Variants in ME1 observed in about 807,000 individuals in gnomAD.
ME1 encodes the protein malic enzyme 1, also known as NADP-dependent malic enzyme.
A neutral mutation model predicts 66.4 loss-of-function variants in ME1; 74 were observed. That is an observed-to-expected ratio of 1.11 (90% confidence interval 0.92 to 1.35). ME1 has a LOEUF of 1.35. ME1 is among the 40% of genes most tolerant of loss of function. ME1 has a pLI of 0.00. For synonymous variants in ME1, 251 were observed against 235.6 expected, an observed-to-expected ratio of 1.07 and a Z score of -0.60; for missense variants, 750 against 694.1, an observed-to-expected ratio of 1.08 and a Z score of -0.90.
At chr6:83,411,806 C>T (rs1178904074) in intron 1 of ME1, among the ~76,000 whole-genome samples, 1 of 152,132 alleles carries the variant, frequency 6.6e-6, no homozygotes, top group African/African-American at 2.4e-5. Flanking sequence ...TAAAGACATC[C>T]TCATATATGC....
chr6:83,409,752 A>G (rs1256448506), intron 1 of ME1, among the ~76,000 whole-genome samples: 3 of 152,164 alleles, frequency 2.0e-5, no homozygotes, highest in Admixed American at 2.0e-4. Flanking sequence ...AGCAGTGCAC[A>G]ACCTTCAATT....
chr6:83,367,294 A>C (rs1769116600), intron 3 of ME1, among the ~76,000 whole-genome samples: 1 of 152,170 alleles, frequency 6.6e-6, no homozygotes, highest in South Asian at 2.1e-4. Flanking sequence ...ATAATTTTTA[A>C]GGGCTCTAGG....
chr6:83,340,418 T>C (rs1456974895), intron 5 of ME1, among the ~76,000 whole-genome samples: 1 of 152,196 alleles, frequency 6.6e-6, no homozygotes, highest in African/African-American at 2.4e-5. Flanking sequence ...TATTTCAACA[T>C]TAAAATATTC....
chr6:83,315,527 C>G, intron 5 of ME1, 114 bp from the exon 6 acceptor site: 1 of 644,470 alleles, frequency 1.6e-6, no homozygotes, highest in South Asian at 2.1e-5. Context: ...TCTTACCATA[C>G]TGATTCAGAA....
chr6:83,316,129 C>T (rs936117246), intron 5 of ME1, among the ~76,000 whole-genome samples: 9 of 152,040 alleles, frequency 5.9e-5, no homozygotes, highest in Non-Finnish European at 8.8e-5. Flanking sequence ...TTTCCACTTC[C>T]GAAAGCAAAA....
intron 8 of ME1, among the ~76,000 whole-genome samples, chr6:83,238,032 G>T (rs1790447803): frequency 6.6e-6 from 1 of 152,110 alleles, no homozygotes. Flanking sequence ...ATAAACTGGT[G>T]ATATCCTTGA....
intron 1 of ME1, among the ~76,000 whole-genome samples, chr6:83,417,897 C>T (rs928512457): frequency 1.3e-5 from 2 of 151,990 alleles, no homozygotes; most frequent in African/African-American, 2.4e-5. Flanking sequence ...AAGTGGTTTC[C>T]TTTGTAATAT....
At chr6:83,358,599 A>AGGGCATC (rs1388938894) in intron 3 of ME1, among the ~76,000 whole-genome samples, 1 of 152,208 alleles carries the variant, frequency 6.6e-6, no homozygotes, top group East Asian at 1.9e-4. Flanking sequence ...TGTTAAAGTG[A>AGGGCATC]GGGCATCGAT....
chr6:83,290,483 G>T (rs1016602692), intron 6 of ME1, among the ~76,000 whole-genome samples: 22 of 152,194 alleles, frequency 1.4e-4, no homozygotes, highest in African/African-American at 4.3e-4. Context: ...TTGCACTGTG[G>T]TCTGAGAGAC....
chr6:83,406,470 C>T (rs550382248), intron 2 of ME1, among the ~76,000 whole-genome samples: 4 of 151,948 alleles, frequency 2.6e-5, no homozygotes, highest in African/African-American at 9.6e-5. Flanking sequence ...GGGTTTTTTT[C>T]GTTGGTACTC....
At chr6:83,213,074 C>A (rs1789926389) in intron 13 of ME1, among the ~76,000 whole-genome samples, 1 of 149,800 alleles carries the variant, frequency 6.7e-6, no homozygotes, top group Admixed American at 6.6e-5. Flanking sequence ...ACTCTGTCAC[C>A]CAGGTTGGAG....
At position 83,272,659 on chromosome 6, in the gene ME1, A is replaced by C. The variant is rs180852058; in HGVS notation, c.705-18921T>G. Among the ~76,000 whole-genome samples, 8 of 152,308 alleles carry C rather than the reference A, an allele frequency of 5.3e-5. No individual in the cohort carries two copies. In the East Asian group the frequency reaches 5.8e-4, roughly 11 times the overall value. ...GTCAGCTACTTACCCCCTAAGTCCA[A>C]GGATTAGATTCAAACAACTAAATGC... On this transcript the variant is annotated intron_variant, in intron 6 of 13. Transcript: ENST00000369705.
At chr6:83,278,258 A>AAT (rs1767225734) in intron 6 of ME1, among the ~76,000 whole-genome samples, 1 of 152,168 alleles carries the variant, frequency 6.6e-6, no homozygotes, top group Non-Finnish European at 1.5e-5. Context: ...GAATTGCTGG[A>AAT]GACTCAGTGT....
intron 3 of ME1, among the ~76,000 whole-genome samples, chr6:83,379,281 A>G (rs980554132): frequency 7.9e-5 from 12 of 152,118 alleles, no homozygotes; most frequent in African/African-American, 2.9e-4. Flanking sequence ...TTATCTTACT[A>G]GAAAAATTAG....
intron 6 of ME1, among the ~76,000 whole-genome samples, chr6:83,309,966 C>T (rs1767900471): frequency 6.6e-6 from 1 of 152,046 alleles, no homozygotes; most frequent in Admixed American, 6.6e-5. Flanking sequence ...ATTTTCTTAA[C>T]CTATATACTC....
At chr6:83,421,019 C>G (rs922088214) in intron 1 of ME1, among the ~76,000 whole-genome samples, 3 of 151,872 alleles carry the variant, frequency 2.0e-5, no homozygotes, top group Non-Finnish European at 4.4e-5. Context: ...TGTATGCAGA[C>G]AGGGAGGGGG....
chr6:83,212,589 CTCTG>C (rs897017398), intron 13 of ME1, among the ~76,000 whole-genome samples: 5 of 152,310 alleles, frequency 3.3e-5, no homozygotes, highest in Admixed American at 3.3e-4. Context: ...GTCACAGATT[CTCTG>C]GTCATCACGC....
At chr6:83,350,633 C>T (rs1220495418) in intron 4 of ME1, among the ~76,000 whole-genome samples, 1 of 151,892 alleles carries the variant, frequency 6.6e-6, no homozygotes, top group Non-Finnish European at 1.5e-5. Context: ...TACAGGCATG[C>T]ACCACCATTC....
chr6:83,246,409 C>G (rs1332346242), intron 7 of ME1, among the ~76,000 whole-genome samples: 1 of 152,006 alleles, frequency 6.6e-6, no homozygotes, highest in Non-Finnish European at 1.5e-5. Context: ...GATGTTTAGT[C>G]TTAACAAATT....
Sources: allele counts gnomAD v4.1 joint callset (sites outside exome capture counted in the v4.1 genomes callset), GRCh38; gene constraint gnomAD v4.1.1; transcripts MANE v1.5; gene names NCBI Gene and HGNC (gene_info 2026-07-23, HGNC 2026-07-21).